The following TBC1D22A variants were observed in gnomAD, a reference collection of about 807,000 sequenced individuals.
TBC1D22A encodes putative GTPase activator.
In TBC1D22A, 38 loss-of-function variants were observed where a neutral mutation model predicts 60.2. That is an observed-to-expected ratio of 0.63 (90% confidence interval 0.49 to 0.83). The LOEUF is 0.83. Ranked by LOEUF, TBC1D22A falls within the 40% of genes least tolerant of loss-of-function variation. The pLI is 0.00. For missense variants in TBC1D22A, 628 were observed against 701.0 expected (o/e 0.90, Z 1.18); for synonymous variants, 302 against 281.7 (o/e 1.07, Z -0.72).
chr22:47,159,428 TACAA>T (rs951220916), intron 12 of TBC1D22A, among the ~76,000 whole-genome samples: 2 of 145,024 alleles, frequency 1.4e-5, no homozygotes, highest in African/African-American at 5.2e-5. Flanking sequence ...ACAGACACCA[TACAA>T]ACACACAGCA....
At chr22:46,993,589 G>T (rs2075021064) in intron 9 of TBC1D22A, among the ~76,000 whole-genome samples, 1 of 152,200 alleles carries the variant, frequency 6.6e-6, no homozygotes, top group African/African-American at 2.4e-5. Context: ...GGGAGGCGGG[G>T]TGCTGGGCTG....
intron 8 of TBC1D22A, among the ~76,000 whole-genome samples, chr22:46,941,772 G>GTA (rs1235580354): frequency 7.5e-6 from 1 of 133,302 alleles, no homozygotes; most frequent in Admixed American, 7.8e-5. Context: ...TACGGAATAT[G>GTA]TATACGGAAT....
chr22:46,845,819 T>C (rs1456645085), intron 4 of TBC1D22A, among the ~76,000 whole-genome samples: 1 of 152,228 alleles, frequency 6.6e-6, no homozygotes, highest in African/African-American at 2.4e-5. Context: ...GATCATGTAC[T>C]AGTTGCAAGC....
chr22:46,926,186 A>G (rs1602512127), intron 8 of TBC1D22A, among the ~76,000 whole-genome samples: 1 of 152,354 alleles, frequency 6.6e-6, no homozygotes, highest in East Asian at 1.9e-4. Context: ...AGAGAAATTT[A>G]TAGTTGTAAC....
At chr22:46,843,893 G>C (rs952940884) in intron 4 of TBC1D22A, among the ~76,000 whole-genome samples, 13 of 152,006 alleles carry the variant, frequency 8.6e-5, no homozygotes, top group Non-Finnish European at 1.6e-4. Context: ...TCATCGGGAA[G>C]GACAGCTGCC....
intron 4 of TBC1D22A, among the ~76,000 whole-genome samples, chr22:46,824,436 A>G (rs2147114059): frequency 6.6e-6 from 1 of 152,270 alleles, no homozygotes. Context: ...TTCTCCAAGA[A>G]GGCCGCTGTG....
At chr22:46,961,953 T>C (rs2073529278) in intron 8 of TBC1D22A, among the ~76,000 whole-genome samples, 1 of 152,240 alleles carries the variant, frequency 6.6e-6, no homozygotes, top group Non-Finnish European at 1.5e-5. Context: ...TTGGATTGTT[T>C]GGTTTCCTGC....
At chr22:47,056,500 G>A (rs992603456) in intron 11 of TBC1D22A, among the ~76,000 whole-genome samples, 24 of 152,048 alleles carry the variant, frequency 1.6e-4, no homozygotes, top group African/African-American at 5.3e-4. Flanking sequence ...AGAAGCTGCC[G>A]TTTGTCTTGT....
In TBC1D22A at chr22:47,105,612, A is replaced by G. The variant is rs75099935; in HGVS notation, c.1330-5896A>G. On this transcript the variant is annotated intron_variant, in intron 11 of 12. Transcript: ENST00000337137. ...CTCCCCTTCCTCAGAATTTCCAACT[A>G]CAATCCTACATTCACATGGATTGGG... Among the ~76,000 whole-genome samples, 1,449 of 152,330 alleles carry G rather than the reference A, an allele frequency of 9.5e-3. 26 individuals are homozygous for G. The highest frequency in any genetic ancestry group is 0.032 in the African/African-American group (1,349 of 41,560).
intron 8 of TBC1D22A, among the ~76,000 whole-genome samples, chr22:46,932,721 T>TTTTTTTTG (rs2071424884): frequency 1.0e-4 from 1 of 10,002 alleles, no homozygotes; most frequent in African/African-American, 4.1e-4. Flanking sequence ...TCCTTCTTGC[T>TTTTTTTTG]TTTTTTTTTT....
At chr22:46,811,587 C>G (rs1056677073) in intron 4 of TBC1D22A, among the ~76,000 whole-genome samples, 1 of 152,148 alleles carries the variant, frequency 6.6e-6, no homozygotes, top group Admixed American at 6.5e-5. Context: ...ACGGTCACAA[C>G]GGTGTATCGA....
chr22:46,979,634 G>A (rs900577930), intron 9 of TBC1D22A, among the ~76,000 whole-genome samples: 1 of 152,138 alleles, frequency 6.6e-6, no homozygotes, highest in East Asian at 1.9e-4. Context: ...TATCCAGGGC[G>A]TCCTGAAGTG....
chr22:47,162,561 C>T (rs1040653749), intron 12 of TBC1D22A, among the ~76,000 whole-genome samples: 1 of 152,200 alleles, frequency 6.6e-6, no homozygotes, highest in South Asian at 2.1e-4. Flanking sequence ...GAGCACCTTT[C>T]TATAGTCATC....
intron 7 of TBC1D22A, among the ~76,000 whole-genome samples, chr22:46,902,183 T>A (rs2069046195): frequency 6.6e-6 from 1 of 152,238 alleles, no homozygotes; most frequent in African/African-American, 2.4e-5. Context: ...AAGAACCTTT[T>A]CCTTCCGAAT....
At chr22:47,074,973 C>T (rs1013963866) in intron 11 of TBC1D22A, among the ~76,000 whole-genome samples, 1 of 152,184 alleles carries the variant, frequency 6.6e-6, no homozygotes, top group African/African-American at 2.4e-5. Flanking sequence ...CCTGTAATCC[C>T]ACCACTTTGG....
At chr22:46,942,757 A>G (rs2072252701) in intron 8 of TBC1D22A, among the ~76,000 whole-genome samples, 2 of 152,148 alleles carry the variant, frequency 1.3e-5, no homozygotes, top group Non-Finnish European at 2.9e-5. Flanking sequence ...CAGGCTTTCT[A>G]TTACTTTGCT....
At chr22:46,936,752 G>A (rs901942834) in intron 8 of TBC1D22A, among the ~76,000 whole-genome samples, 2 of 152,204 alleles carry the variant, frequency 1.3e-5, no homozygotes, top group Non-Finnish European at 2.9e-5. Context: ...TTATTCTTGA[G>A]TATTTACCAG....
chr22:46,782,104 G>C (rs1158784202), intron 1 of TBC1D22A, among the ~76,000 whole-genome samples: 1 of 152,192 alleles, frequency 6.6e-6, no homozygotes, highest in Non-Finnish European at 1.5e-5. Flanking sequence ...GCCTAGGCTG[G>C]TGTGCAGTGG....
chr22:47,146,630 G>A (rs1430819003), intron 12 of TBC1D22A, among the ~76,000 whole-genome samples: 1 of 152,202 alleles, frequency 6.6e-6, no homozygotes, highest in Non-Finnish European at 1.5e-5. Flanking sequence ...GTGGGCTGCA[G>A]GAATTGATTT....
Sources: allele counts gnomAD v4.1 joint callset (sites outside exome capture counted in the v4.1 genomes callset), GRCh38; gene constraint gnomAD v4.1.1; transcripts MANE v1.5; gene names NCBI Gene and HGNC (gene_info 2026-07-23, HGNC 2026-07-21).